The following DOCK9 variants were observed in gnomAD, a reference collection of about 807,000 sequenced individuals.
The protein encoded by DOCK9 is dedicator of cytokinesis protein 9.
Under a neutral mutation model 263.3 loss-of-function variants are expected in DOCK9, and 89 were observed. The ratio of observed to expected loss-of-function variants is 0.34; its 90% CI spans 0.28 to 0.40. The LOEUF (loss-of-function observed/expected upper bound fraction) is 0.40, where lower values mean the gene tolerates loss of function less well. Ranked by LOEUF, DOCK9 falls within the 10% of genes least tolerant of loss-of-function variation. The probability of loss-of-function intolerance (pLI) is 1.00; values close to 1 mark genes in which losing one functional copy is unlikely to be tolerated. For synonymous variants in DOCK9, 976 were observed against 973.1 expected, an observed-to-expected ratio of 1.00 and a Z score of -0.06; for missense variants, 2,140 against 2,603.4, an observed-to-expected ratio of 0.82 and a Z score of 3.87.
chr13:98,820,532 G>C (rs1443277333), intron 45 of DOCK9: 3 of 219,388 alleles, frequency 1.4e-5, no homozygotes, highest in Non-Finnish European at 2.8e-5. Flanking sequence ...AGTGGTCAAA[G>C]TACAGCTACT....
At chr13:98,827,044 A>G (rs1305359287) in intron 43 of DOCK9, among the ~76,000 whole-genome samples, 157 bp from the exon 44 acceptor site, 1 of 152,228 alleles carries the variant, frequency 6.6e-6, no homozygotes, top group Non-Finnish European at 1.5e-5. Context: ...TTTTGAAGAG[A>G]GTGGAATCAC....
intron 21 of DOCK9, 105 bp from the exon 22 acceptor site, chr13:98,884,004 A>AACT (rs2045282714): frequency 1.3e-6 from 1 of 783,910 alleles, no homozygotes; most frequent in Non-Finnish European, 2.0e-6. Context: ...GGGCCCAGAG[A>AACT]ACTTTAGTGA....
At chr13:98,926,733 G>T (rs1336141019) in intron 3 of DOCK9, among the ~76,000 whole-genome samples, 1 of 152,224 alleles carries the variant, frequency 6.6e-6, no homozygotes, top group African/African-American at 2.4e-5. Context: ...TAGTTCAAAT[G>T]ATCTTCTGTC....
chr13:98,907,864 T>C (rs1034217128), intron 9 of DOCK9, among the ~76,000 whole-genome samples: 17 of 152,156 alleles, frequency 1.1e-4, no homozygotes, highest in African/African-American at 2.2e-4. Flanking sequence ...TCTGGAAGAA[T>C]AGTAACGATA....
At chr13:98,913,469 AG>A (rs2050393312) in intron 9 of DOCK9, among the ~76,000 whole-genome samples, 1 of 152,236 alleles carries the variant, frequency 6.6e-6, no homozygotes, top group African/African-American at 2.4e-5. Flanking sequence ...AAGTCTATAT[AG>A]TACAAATAAA....
intron 1 of DOCK9, among the ~76,000 whole-genome samples, chr13:99,028,998 T>TAA (rs1887064322): frequency 5.3e-5 from 8 of 152,208 alleles, no homozygotes; most frequent in African/African-American, 1.9e-4. Context: ...ATTTCTGTTT[T>TAA]ACCAGTTGGC....
At chr13:99,072,371 A>G (rs188647478) in intron 1 of DOCK9, among the ~76,000 whole-genome samples, 48 of 152,146 alleles carry the variant, frequency 3.2e-4, no homozygotes, top group Non-Finnish European at 5.4e-4. Flanking sequence ...AGACCACTTC[A>G]TTGTCTTTGG....
At chr13:98,921,172 C>A in intron 6 of DOCK9, 84 bp from the exon 7 acceptor site, 1 of 1,377,454 alleles carries the variant, frequency 7.3e-7, no homozygotes. Flanking sequence ...TGACTACATA[C>A]ATACATAAAA....
chr13:99,044,494 T>G (rs1008471108), intron 1 of DOCK9, among the ~76,000 whole-genome samples: 9 of 152,214 alleles, frequency 5.9e-5, no homozygotes, highest in Admixed American at 2.6e-4. Flanking sequence ...AGACCCACAC[T>G]GATCAGGACC....
At chr13:98,866,293 C>T (rs1172226452) in intron 30 of DOCK9, among the ~76,000 whole-genome samples, 1 of 152,172 alleles carries the variant, frequency 6.6e-6, no homozygotes, top group Admixed American at 6.5e-5. Flanking sequence ...ACAACTTATT[C>T]TGAAGCTCGA....
chr13:98,885,897 G>A, intron 19 of DOCK9, 66 bp from the exon 20 acceptor site: 4 of 1,503,800 alleles, frequency 2.7e-6, no homozygotes, highest in Non-Finnish European at 3.6e-6. Context: ...TGGAAGCAGA[G>A]ACAGTATGTG....
chr13:99,058,421 C>A (rs2142265948), intron 1 of DOCK9, among the ~76,000 whole-genome samples: 1 of 152,292 alleles, frequency 6.6e-6, no homozygotes, highest in Non-Finnish European at 1.5e-5. Context: ...CTCGGCCTCC[C>A]CAAGTGCTGG....
At chr13:98,823,125 T>C (rs1160247109) in intron 45 of DOCK9, among the ~76,000 whole-genome samples, 3 of 147,704 alleles carry the variant, frequency 2.0e-5, no homozygotes, top group Non-Finnish European at 3.0e-5. Context: ...AAGGATATTT[T>C]TTCCAAAAAA....
chr13:98,992,876 A>C (rs889384612), intron 1 of DOCK9, among the ~76,000 whole-genome samples: 2 of 152,244 alleles, frequency 1.3e-5, no homozygotes, highest in African/African-American at 4.8e-5. Context: ...CAAAGTCTTA[A>C]AGAATAAGCA....
At chr13:99,060,879 C>T (rs2041157600) in intron 1 of DOCK9, among the ~76,000 whole-genome samples, 1 of 152,154 alleles carries the variant, frequency 6.6e-6, no homozygotes, top group African/African-American at 2.4e-5. Flanking sequence ...CAGGGTCTGG[C>T]AGAGTGGCTG....
Position 98,882,020 on chromosome 13 carries a change from A to C in DOCK9, c.2560-13T>G. Reference sequence around the variant, plus strand: ...TCGCATGCAGACTCTACGGACACAGAATGGCACAGTTCATGTTATCCTTCT... The same window carrying C: ...TCGCATGCAGACTCTACGGACACAGCATGGCACAGTTCATGTTATCCTTCT... On this transcript the variant is annotated splice_polypyrimidine_tract_variant and intron_variant, in intron 23 of 52. Coordinates refer to ENST00000682017, the MANE Select transcript of DOCK9 (RefSeq NM_001366683.2). The C allele has an allele frequency of 6.4e-7, 1 of 1,562,806 alleles. No individual in the cohort carries two copies. The highest frequency in any genetic ancestry group is 8.7e-7 in the Non-Finnish European group (1 of 1,149,790).
Position 98,902,503 on chromosome 13 carries a change from A to G in DOCK9, c.1177-12T>C. The G allele has an allele frequency of 6.2e-7, 1 of 1,611,160 alleles. No individual in the cohort carries two copies. The highest frequency in any genetic ancestry group is 1.3e-5 in the African/African-American group (1 of 75,018). Reference sequence around the variant, plus strand: ...AAGAAAGGTTCAACCTGAACAAAACAAAACAATCCAATGATCACCATGGCT... The same window carrying G: ...AAGAAAGGTTCAACCTGAACAAAACGAAACAATCCAATGATCACCATGGCT... On this transcript the variant is annotated splice_polypyrimidine_tract_variant and intron_variant, in intron 11 of 52. Transcript: ENST00000682017.
chr13:98,865,756 T>A (rs1386316221), intron 30 of DOCK9, among the ~76,000 whole-genome samples: 1 of 151,698 alleles, frequency 6.6e-6, no homozygotes, highest in East Asian at 1.9e-4. Flanking sequence ...TGTGGTGAGG[T>A]TGGGGGCACA....
At position 98,977,924 on chromosome 13, in the gene DOCK9, GCA is replaced by G. The variant is rs1255437188; in HGVS notation, c.-17_-16del. 5 of 1,568,850 alleles carry G rather than the reference GCA, an allele frequency of 3.2e-6. No individual in the cohort carries two copies. Among genetic ancestry groups the G allele is most frequent in the Non-Finnish European group, 4.3e-6 (5 of 1,155,900 alleles). On this transcript the variant is annotated 5_prime_UTR_variant, in exon 1 of 53. Transcript: ENST00000682017. ...TCAGCCTGCATTCTCGGCTGAAAAC[GCA>G]AGTCAGAAAGTCTGCAACTGGAACA... is the stretch of plus-strand genomic sequence containing the variant.
Sources: allele counts gnomAD v4.1 joint callset (sites outside exome capture counted in the v4.1 genomes callset), GRCh38; gene constraint gnomAD v4.1.1; transcripts MANE v1.5; gene names NCBI Gene and HGNC (gene_info 2026-07-23, HGNC 2026-07-21).